Variants in POLR1A observed in about 807,000 individuals in gnomAD.
POLR1A encodes RNA polymerase I subunit A, also known as DNA-directed RNA polymerase I subunit RPA1.
Under a neutral mutation model 205.3 loss-of-function variants are expected in POLR1A, and 84 were observed. That is an observed-to-expected ratio of 0.41 (90% CI 0.34 to 0.49). The LOEUF is 0.49. Ranked by LOEUF, POLR1A falls within the 20% of genes least tolerant of loss-of-function variation. The pLI, the probability that POLR1A is intolerant of heterozygous loss-of-function variation, is 0.22. For missense variants in POLR1A, 1,645 were observed against 2,204.5 expected (o/e 0.75, Z 5.08); for synonymous variants, 799 against 863.7 (o/e 0.93, Z 1.31).
chr2:86,103,123 G>A (rs1289262382), intron 1 of POLR1A, among the ~76,000 whole-genome samples: 2 of 152,350 alleles, frequency 1.3e-5, no homozygotes, highest in South Asian at 4.1e-4. Flanking sequence ...TAGTCTGTTA[G>A]ACGGCAGAAA....
intron 24 of POLR1A, 25 bp downstream of exon 24, chr2:86,041,864 T>C: frequency 6.3e-7 from 1 of 1,579,514 alleles, no homozygotes; most frequent in South Asian, 1.1e-5. Flanking sequence ...CCTGCACATG[T>C]TGTGCAACAA....
intron 3 of POLR1A, among the ~76,000 whole-genome samples, chr2:86,096,725 C>G (rs1673710849): frequency 6.6e-6 from 1 of 151,988 alleles, no homozygotes; most frequent in Non-Finnish European, 1.5e-5. Flanking sequence ...TATCCATATG[C>G]AGAAGAATGA....
chr2:86,025,759 T>C lies in POLR1A; in HGVS notation c.*1664A>G, dbSNP rs981275850. On this transcript the variant is annotated 3_prime_UTR_variant, in exon 34 of 34. Coordinates refer to ENST00000263857, the MANE Select transcript of POLR1A (RefSeq NM_015425.6). Reference sequence around the variant, plus strand: ...TTCAAGGACACTCTCACAATTCTAGTGTGTGTAGAAATCATCAAGTGAATA... The same window carrying C: ...TTCAAGGACACTCTCACAATTCTAGCGTGTGTAGAAATCATCAAGTGAATA... 1 of 152,198 alleles carries C rather than the reference T, an allele frequency of 6.6e-6. No individual in the cohort carries two copies. Among genetic ancestry groups the C allele is most frequent in the African/African-American group, 2.4e-5 (1 of 41,448 alleles). 9.4% of individuals were successfully genotyped at this position (152,198 alleles called of 1,614,324 possible).
In POLR1A at chr2:86,070,606, T is replaced by A. The variant is rs889356725; in HGVS notation, c.1612-334A>T. Among the ~76,000 whole-genome samples the A allele has an allele frequency of 6.6e-6, 1 of 151,934 alleles. No individual in the cohort carries two copies. Among genetic ancestry groups the A allele is most frequent in the African/African-American group, 2.4e-5 (1 of 41,346 alleles). On this transcript the variant is annotated intron_variant, in intron 12 of 33. Coordinates refer to ENST00000263857, the MANE Select transcript of POLR1A (RefSeq NM_015425.6). The surrounding 1 kb of genome is among the most constrained non-coding windows in gnomAD (Gnocchi z 4.4). Reference sequence around the variant, plus strand: ...CTGAAAACTAATCCAAAGAAAGAAATGGATACAACTCCTGAAGATATAACC... The same window carrying A: ...CTGAAAACTAATCCAAAGAAAGAAAAGGATACAACTCCTGAAGATATAACC...
chr2:86,052,535 G>A (rs1332938198), intron 16 of POLR1A, among the ~76,000 whole-genome samples: 2 of 152,218 alleles, frequency 1.3e-5, no homozygotes, highest in Non-Finnish European at 2.9e-5. Context: ...TCCTTCCCGA[G>A]AGGACACAGA....
chr2:86,047,873 G>C (rs568144980), intron 18 of POLR1A, among the ~76,000 whole-genome samples: 14 of 152,336 alleles, frequency 9.2e-5, no homozygotes, highest in African/African-American at 3.4e-4. Context: ...CACAGGAGAG[G>C]CAGAGCCTGG....
chr2:86,036,364 C>G (rs897977784), intron 27 of POLR1A, among the ~76,000 whole-genome samples: 1 of 152,164 alleles, frequency 6.6e-6, no homozygotes, highest in Non-Finnish European at 1.5e-5. Flanking sequence ...GTGCAGAGAT[C>G]TGGGGGGCCT....
At position 86,049,465 on chromosome 2, in the gene POLR1A, G is replaced by A. The variant is rs1032478832; in HGVS notation, c.2393-223C>T. Among the ~76,000 whole-genome samples, 9 of 152,118 alleles carry A rather than the reference G, an allele frequency of 5.9e-5. No homozygotes were observed. The South Asian group carries it at 8.3e-4, about 14-fold the overall frequency. On this transcript the variant is annotated intron_variant, in intron 16 of 33. Transcript: ENST00000263857. ...CCCATTTTACAAATGACAAAACTCAGGCTCAAAATTGGGCTACTTTCCCAT... is the reference window on the plus strand; with the variant it reads ...CCCATTTTACAAATGACAAAACTCAAGCTCAAAATTGGGCTACTTTCCCAT...
rs1194238506 is a variant in POLR1A at position 86,095,780 on chromosome 2, T to C, written c.432+2831A>G. ...TCTTGCTCTGTTACCCAGGCTGGAGTGCAGTGGCGCGATCTTGGCTCACTG... is the reference window on the plus strand; with the variant it reads ...TCTTGCTCTGTTACCCAGGCTGGAGCGCAGTGGCGCGATCTTGGCTCACTG... On this transcript the variant is annotated intron_variant, in intron 3 of 33. Coordinates refer to ENST00000263857, the MANE Select transcript of POLR1A (RefSeq NM_015425.6). Among the ~76,000 whole-genome samples the C allele has an allele frequency of 2.6e-5, 4 of 151,312 alleles. No homozygotes were observed. In the Admixed American group the frequency reaches 2.6e-4, roughly 10 times the overall value.
intron 3 of POLR1A, among the ~76,000 whole-genome samples, chr2:86,096,265 G>A (rs1025611482): frequency 7.9e-5 from 12 of 152,076 alleles, no homozygotes; most frequent in Admixed American, 2.6e-4. Context: ...AAACAGTGAC[G>A]AAAGAAACTG....
At chr2:86,060,219 G>A (rs752627175) in intron 14 of POLR1A, among the ~76,000 whole-genome samples, 11 of 152,132 alleles carry the variant, frequency 7.2e-5, no homozygotes, top group Non-Finnish European at 1.3e-4. Context: ...GTGTAAATAC[G>A]TTGATTCTCC....
chr2:86,087,083 G>C (rs1298611641), intron 6 of POLR1A, among the ~76,000 whole-genome samples: 2 of 152,224 alleles, frequency 1.3e-5, no homozygotes, highest in Non-Finnish European at 2.9e-5. Flanking sequence ...TTAGATAATA[G>C]TGTTGCACCA....
chr2:86,077,460 C>A (rs1673308307), intron 11 of POLR1A, among the ~76,000 whole-genome samples: 1 of 152,192 alleles, frequency 6.6e-6, no homozygotes, highest in Non-Finnish European at 1.5e-5. Context: ...GGACTGATAA[C>A]TGATATGCCC....
intron 16 of POLR1A, among the ~76,000 whole-genome samples, chr2:86,051,062 G>A (rs1672793103): frequency 6.6e-6 from 1 of 152,198 alleles, no homozygotes; most frequent in African/African-American, 2.4e-5. Flanking sequence ...TCTGGACGCA[G>A]CCTAAATGTT....
intron 3 of POLR1A, among the ~76,000 whole-genome samples, chr2:86,094,429 G>A (rs1225195996): frequency 2.0e-5 from 3 of 152,292 alleles, no homozygotes; most frequent in South Asian, 2.1e-4. Context: ...ATGTCCAATC[G>A]TTCTTTGAGC....
At chr2:86,068,896 G>A (rs530938932) in intron 13 of POLR1A, among the ~76,000 whole-genome samples, 77 of 152,342 alleles carry the variant, frequency 5.1e-4, no homozygotes, top group African/African-American at 1.8e-3. Context: ...AAGGAGCAGA[G>A]GATGCTGATT....
intron 30 of POLR1A, among the ~76,000 whole-genome samples, chr2:86,030,992 G>C (rs1309792253): frequency 6.6e-6 from 1 of 152,228 alleles, no homozygotes; most frequent in Non-Finnish European, 1.5e-5. Context: ...TGGTGTATTT[G>C]AAAGTACCTA....
Position 86,105,866 on chromosome 2 carries a change from C to G in POLR1A, c.-90G>C. ...AATTCAACCTCAAGCCCGGAGTCACCACGCGATTCAACGTGCGCTTGCGCG... is the reference window on the plus strand; with the variant it reads ...AATTCAACCTCAAGCCCGGAGTCACGACGCGATTCAACGTGCGCTTGCGCG... On this transcript the variant is annotated 5_prime_UTR_variant, in exon 1 of 34. Coordinates refer to ENST00000263857, the MANE Select transcript of POLR1A (RefSeq NM_015425.6). 8.2e-7 allele frequency: 1 copy of G among 1,214,362 alleles called. No individual in the cohort carries two copies. Among genetic ancestry groups the G allele is most frequent in the Non-Finnish European group, 1.2e-6 (1 of 836,256 alleles). 75.2% of individuals were successfully genotyped at this position (1,214,362 alleles called of 1,614,324 possible). A position where few individuals can be genotyped will look rare whatever the true frequency, so the allele number is the denominator to read the frequency against.
intron 24 of POLR1A, 74 bp downstream of exon 24, chr2:86,041,815 G>GGGCAGGGGCTAGGA (rs1269661584): frequency 3.1e-6 from 4 of 1,297,768 alleles, no homozygotes; most frequent in Non-Finnish European, 3.3e-6. Context: ...GGAGTGAGTA[G>GGGCAGGGGCTAGGA]GGCAGGGGCT....
Sources: allele counts gnomAD v4.1 joint callset (sites outside exome capture counted in the v4.1 genomes callset), GRCh38; gene constraint gnomAD v4.1.1; non-coding constraint Gnocchi (gnomAD v3.1); transcripts MANE v1.5; gene names NCBI Gene and HGNC (gene_info 2026-07-23, HGNC 2026-07-21).